Variants in AGPAT5 observed in about 807,000 individuals in gnomAD.
AGPAT5 encodes the protein 1-acylglycerol-3-phosphate O-acyltransferase 5.
Under a neutral mutation model 45.6 loss-of-function variants are expected in AGPAT5, and 46 were observed. That is an observed-to-expected ratio of 1.01 (90% CI 0.80 to 1.29). The LOEUF is 1.29. AGPAT5 is among the 50% of genes most tolerant of loss of function. The pLI is 0.00. For missense variants in AGPAT5, 673 were observed against 450.7 expected, an observed-to-expected ratio of 1.49 and a Z score of -4.47; for synonymous variants, 272 against 167.0, an observed-to-expected ratio of 1.63 and a Z score of -4.85.
At chr8:6,711,603 C>G (rs1037944361) in intron 1 of AGPAT5, among the ~76,000 whole-genome samples, 1 of 152,200 alleles carries the variant, frequency 6.6e-6, no homozygotes, top group African/African-American at 2.4e-5. Context: ...TGTTACTTTC[C>G]TGTGCTGCCA....
At chr8:6,735,742 G>A (rs2116911840) in intron 4 of AGPAT5, among the ~76,000 whole-genome samples, 1 of 151,814 alleles carries the variant, frequency 6.6e-6, no homozygotes, top group East Asian at 1.9e-4. Context: ...CATACTTAAT[G>A]GAAGCCGCCT....
At chr8:6,720,011 T>G (rs1383742943) in intron 1 of AGPAT5, among the ~76,000 whole-genome samples, 1 of 152,192 alleles carries the variant, frequency 6.6e-6, no homozygotes, top group Non-Finnish European at 1.5e-5. Flanking sequence ...CACCCATGAT[T>G]GGATTGTCCT....
Position 6,741,813 on chromosome 8 carries a change from T to C in AGPAT5, c.586+62T>C, listed in dbSNP as rs111800074. On this transcript the variant is annotated intron_variant, in intron 5 of 7. Coordinates refer to ENST00000285518, the MANE Select transcript of AGPAT5 (RefSeq NM_018361.5). ...CAAAGATAATAACATTTTTAGTTTT[T>C]CTTCCTGGAAAAGATACTTTTGTTT... 9 of 1,321,650 alleles carry C rather than the reference T, an allele frequency of 6.8e-6. No individual in the cohort carries two copies. In the African/African-American group the frequency reaches 8.7e-5, roughly 13 times the overall value. 81.9% of individuals were successfully genotyped at this position (1,321,650 alleles called of 1,614,324 possible). A position where few individuals can be genotyped will look rare whatever the true frequency, so the allele number is the denominator to read the frequency against.
At chr8:6,737,836 A>G (rs1480392744) in intron 4 of AGPAT5, among the ~76,000 whole-genome samples, 1 of 152,178 alleles carries the variant, frequency 6.6e-6, no homozygotes, top group Non-Finnish European at 1.5e-5. Context: ...CTTCAATTTT[A>G]TGTTATGGAG....
intron 2 of AGPAT5, among the ~76,000 whole-genome samples, chr8:6,725,793 A>G: frequency 6.6e-6 from 1 of 152,220 alleles, no homozygotes; most frequent in Non-Finnish European, 1.5e-5. Context: ...CAGCCTGATC[A>G]ATATAGTACT....
chr8:6,716,892 C>G (rs949493290), intron 1 of AGPAT5, among the ~76,000 whole-genome samples: 6 of 152,116 alleles, frequency 3.9e-5, no homozygotes, highest in Non-Finnish European at 5.9e-5. Context: ...CTAGGGAATT[C>G]TAGTCTGTGT....
intron 1 of AGPAT5, among the ~76,000 whole-genome samples, chr8:6,715,779 G>A (rs1228173585): frequency 6.6e-6 from 1 of 152,208 alleles, no homozygotes; most frequent in African/African-American, 2.4e-5. Flanking sequence ...CCATACAGAG[G>A]TAAAGTAACT....
At chr8:6,733,759 C>T (rs1335650991) in intron 4 of AGPAT5, among the ~76,000 whole-genome samples, 1 of 152,116 alleles carries the variant, frequency 6.6e-6, no homozygotes, top group Non-Finnish European at 1.5e-5. Context: ...AATGTCCATC[C>T]CACTTCTCTC....
At chr8:6,743,575 C>G (rs1287738608) in intron 5 of AGPAT5, among the ~76,000 whole-genome samples, 3 of 152,166 alleles carry the variant, frequency 2.0e-5, no homozygotes, top group East Asian at 3.8e-4. Context: ...GAGGAAGAAG[C>G]TGTTCAGATG....
Position 6,708,861 on chromosome 8 carries a change from T to C in AGPAT5, c.193T>C (p.Phe65Leu). 6.2e-7 allele frequency: 1 copy of C among 1,608,702 alleles called. No homozygotes were observed. Among genetic ancestry groups the C allele is most frequent in the East Asian group, 2.2e-5 (1 of 44,576 alleles). ...CGTCTACCAGAGCATGGTGCTCTTC[T>C]TCTTCGAGAATTACACCGGGGTCCA... ...YCVYQSMVLF[F>L]FENYTGVQIL... Residue 65 changes from phenylalanine (F) to leucine (L), a missense_variant, in exon 1 of 8, where the codon TTC becomes CTC. By Grantham distance (22) the Phe-to-Leu change is conservative. Coordinates refer to ENST00000285518, the MANE Select transcript of AGPAT5 (RefSeq NM_018361.5).
chr8:6,718,924 T>C (rs995072067), intron 1 of AGPAT5, among the ~76,000 whole-genome samples: 2 of 152,202 alleles, frequency 1.3e-5, no homozygotes, highest in African/African-American at 2.4e-5. Flanking sequence ...TAGAACTCTG[T>C]GGAGTTGAAT....
intron 2 of AGPAT5, among the ~76,000 whole-genome samples, chr8:6,726,923 T>A (rs961097683): frequency 6.6e-6 from 1 of 152,216 alleles, no homozygotes; most frequent in Admixed American, 6.5e-5. Flanking sequence ...AATTACAGGC[T>A]TTAGTCAGTA....
intron 4 of AGPAT5, among the ~76,000 whole-genome samples, chr8:6,740,153 C>G (rs1175659536): frequency 6.6e-6 from 1 of 152,044 alleles, no homozygotes; most frequent in African/African-American, 2.4e-5. Context: ...TTAAATTAAA[C>G]ATCTAAGACA....
chr8:6,710,430 C>T (rs998266669), intron 1 of AGPAT5, among the ~76,000 whole-genome samples: 2 of 152,138 alleles, frequency 1.3e-5, no homozygotes, highest in African/African-American at 4.8e-5. Context: ...TGAAAGGATG[C>T]CTGAGGACCC....
chr8:6,741,560 G>A (rs1019111179), intron 4 of AGPAT5, 101 bp from the exon 5 acceptor site: 18 of 742,490 alleles, frequency 2.4e-5, no homozygotes, highest in Admixed American at 1.3e-4. Context: ...TCCTACTGTA[G>A]GAAATACTCT....
chr8:6,728,372 A>C (rs1194479690), intron 2 of AGPAT5, among the ~76,000 whole-genome samples: 1 of 152,270 alleles, frequency 6.6e-6, no homozygotes, highest in Non-Finnish European at 1.5e-5. Context: ...GCTGAGAATA[A>C]ACAAGAAATA....
chr8:6,732,798 A>G (rs191022960), intron 4 of AGPAT5, 148 bp downstream of exon 4: 303 of 718,256 alleles, frequency 4.2e-4, no homozygotes, highest in African/African-American at 4.0e-3. Flanking sequence ...GAAACCCTCT[A>G]TGTACAGGTA....
intron 1 of AGPAT5, chr8:6,709,446 C>G (rs376229692): frequency 6.5e-6 from 1 of 153,610 alleles, no homozygotes. Context: ...GATCTGTTGT[C>G]TGATTACTTT....
chr8:6,719,916 C>G (rs1424371672), intron 1 of AGPAT5, among the ~76,000 whole-genome samples: 1 of 152,160 alleles, frequency 6.6e-6, no homozygotes, highest in Non-Finnish European at 1.5e-5. Context: ...TCCTGAGAAG[C>G]ACCAGGAACA....
Sources: allele counts gnomAD v4.1 joint callset (sites outside exome capture counted in the v4.1 genomes callset), GRCh38; gene constraint gnomAD v4.1.1; transcripts MANE v1.5; gene names NCBI Gene and HGNC (gene_info 2026-07-23, HGNC 2026-07-21).